Variants in CAMK1D observed in about 807,000 individuals in gnomAD.
CAMK1D encodes calcium/calmodulin-dependent protein kinase type 1D.
A neutral mutation model predicts 47.7 loss-of-function variants in CAMK1D; 9 were observed. The observed-to-expected ratio is 0.19, with a 90% CI of 0.11 to 0.33. CAMK1D has a LOEUF of 0.33. CAMK1D is among the 10% of genes least tolerant of loss of function. The pLI, the probability that CAMK1D is intolerant of heterozygous loss-of-function variation, is 1.00. For missense variants in CAMK1D, 291 were observed against 488.7 expected (o/e 0.60, Z 3.81); for synonymous variants, 184 against 184.9 (o/e 0.99, Z 0.04).
chr10:12,746,194 C>T (rs1364900437), intron 3 of CAMK1D, among the ~76,000 whole-genome samples: 1 of 151,828 alleles, frequency 6.6e-6, no homozygotes, highest in Non-Finnish European at 1.5e-5. Flanking sequence ...GAAACCCCGT[C>T]TCTACTAAAA....
At chr10:12,583,875 A>C (rs1319420312) in intron 2 of CAMK1D, among the ~76,000 whole-genome samples, 1 of 152,106 alleles carries the variant, frequency 6.6e-6, no homozygotes, top group Non-Finnish European at 1.5e-5. Context: ...CTGGGATTTC[A>C]GTGTGAACCA....
intron 8 of CAMK1D, among the ~76,000 whole-genome samples, chr10:12,819,832 G>A (rs981632876): frequency 1.2e-4 from 18 of 152,156 alleles, no homozygotes; most frequent in Admixed American, 3.9e-4. Flanking sequence ...AGTGGCCTGC[G>A]CGGGGCAGCG....
At chr10:12,723,649 A>T (rs1263885781) in intron 3 of CAMK1D, among the ~76,000 whole-genome samples, 1 of 152,210 alleles carries the variant, frequency 6.6e-6, no homozygotes. Context: ...ATGTAAATTG[A>T]AAGGCATTTT....
chr10:12,620,215 A>AAAAAAAAT (rs1838956842), intron 2 of CAMK1D, among the ~76,000 whole-genome samples: 4 of 134,406 alleles, frequency 3.0e-5, no homozygotes, highest in South Asian at 2.4e-4. Context: ...AAAAAAAAAA[A>AAAAAAAAT]AAATAAAGCT....
At chr10:12,521,762 C>T (rs895393794) in intron 1 of CAMK1D, among the ~76,000 whole-genome samples, 2 of 152,086 alleles carry the variant, frequency 1.3e-5, no homozygotes, top group Non-Finnish European at 2.9e-5. Context: ...TTTTGAAGCC[C>T]TGTTTTTAGA....
chr10:12,434,839 C>T (rs539039123), intron 1 of CAMK1D, among the ~76,000 whole-genome samples: 6 of 152,210 alleles, frequency 3.9e-5, no homozygotes, highest in South Asian at 2.1e-4. Flanking sequence ...GGGAATCATC[C>T]GTCTAGAAAA....
intron 3 of CAMK1D, among the ~76,000 whole-genome samples, chr10:12,707,584 GCA>G (rs1265029222): frequency 2.0e-5 from 3 of 152,224 alleles, no homozygotes; most frequent in African/African-American, 7.2e-5. Flanking sequence ...CGCAGAATGA[GCA>G]CAGTCAGAAA....
intron 6 of CAMK1D, among the ~76,000 whole-genome samples, chr10:12,796,802 T>C (rs1182294724): frequency 6.6e-6 from 1 of 152,192 alleles, no homozygotes; most frequent in African/African-American, 2.4e-5. Flanking sequence ...GGTCTGGATT[T>C]TGGCTTTAGA....
chr10:12,714,227 G>A (rs374097872), intron 3 of CAMK1D, among the ~76,000 whole-genome samples: 36 of 151,690 alleles, frequency 2.4e-4, no homozygotes, highest in Admixed American at 9.9e-4. Context: ...CCCCACCCCC[G>A]TAGGCATAGA....
intron 5 of CAMK1D, among the ~76,000 whole-genome samples, chr10:12,779,155 AG>A (rs142372332): frequency 0.014 from 2,140 of 152,300 alleles, 45 homozygotes; most frequent in African/African-American, 0.048. Flanking sequence ...GTGGCTCCTC[AG>A]GATACCATGG....
intron 1 of CAMK1D, among the ~76,000 whole-genome samples, chr10:12,525,307 A>G (rs1354588015): frequency 2.6e-5 from 4 of 152,052 alleles, no homozygotes; most frequent in Admixed American, 6.6e-5. Flanking sequence ...TCTTTCTTTC[A>G]ATATTTTTTT....
chr10:12,355,543 A>G (rs938417425), intron 1 of CAMK1D, among the ~76,000 whole-genome samples: 1 of 151,958 alleles, frequency 6.6e-6, no homozygotes, highest in African/African-American at 2.4e-5. Context: ...GGTGGTTTGT[A>G]TATTTGACTG....
At chr10:12,460,023 C>T (rs934414950) in intron 1 of CAMK1D, among the ~76,000 whole-genome samples, 2 of 151,992 alleles carry the variant, frequency 1.3e-5, no homozygotes, top group Admixed American at 6.6e-5. Context: ...ATGGAACCGG[C>T]GTATTCACAA....
chr10:12,634,368 C>T (rs1469137389), intron 2 of CAMK1D, among the ~76,000 whole-genome samples: 1 of 152,140 alleles, frequency 6.6e-6, no homozygotes, highest in Non-Finnish European at 1.5e-5. Flanking sequence ...CTCCCTCATC[C>T]TCCTACAGCA....
In CAMK1D at chr10:12,752,273, G is replaced by A. The variant is rs536096533; in HGVS notation, c.300-8675G>A. ...CAGCACCCAGAGTGCTGGGATTACA[G>A]GGGTGAGCCACCGCGCTGGCCAGAT... On this transcript the variant is annotated intron_variant, in intron 3 of 10. Coordinates refer to ENST00000619168, the MANE Select transcript of CAMK1D (RefSeq NM_153498.4). 1.8e-4 allele frequency among the ~76,000 whole-genome samples: 28 copies of A among 152,310 alleles called. No homozygotes were observed. In the South Asian group the frequency reaches 4.2e-3, roughly 23 times the overall value.
intron 3 of CAMK1D, among the ~76,000 whole-genome samples, chr10:12,706,998 C>T (rs552559926): frequency 4.6e-4 from 70 of 152,202 alleles, no homozygotes; most frequent in African/African-American, 1.5e-3. Context: ...ACAAACTGTG[C>T]GGTTTGGGAA....
chr10:12,801,342 TATCTATCTATCTTATC>T (rs1303482044), intron 6 of CAMK1D, among the ~76,000 whole-genome samples: 23 of 96,334 alleles, frequency 2.4e-4, no homozygotes, highest in Admixed American at 3.3e-4. Flanking sequence ...TCTATCTATC[TATCTATCTATCTTATC>T]TATCTATCTA....
At position 12,650,806 on chromosome 10, in the gene CAMK1D, C is replaced by CT. The variant is rs1839938940; in HGVS notation, c.225-15928dup. Among the ~76,000 whole-genome samples the CT allele has an allele frequency of 2.0e-5, 3 of 152,182 alleles. No homozygotes were observed. The East Asian group carries it at 5.8e-4, about 29-fold the overall frequency. On this transcript the variant is annotated intron_variant, in intron 2 of 10. Transcript: ENST00000619168. ...ATCAAAAACATCAGCTCTGCAGACACTTAGTCCACCAGCAGCATCATCCCT... is the reference window on the plus strand; with the variant it reads ...ATCAAAAACATCAGCTCTGCAGACACTTTAGTCCACCAGCAGCATCATCCCT...
chr10:12,735,396 T>C lies in CAMK1D; in HGVS notation c.300-25552T>C, dbSNP rs375631335. On this transcript the variant is annotated intron_variant, in intron 3 of 10. Coordinates refer to ENST00000619168, the MANE Select transcript of CAMK1D (RefSeq NM_153498.4). ...GGGAGGCTGAGGCAGGAGAATGGCGTGAACCCGGGAGGCGGAGCCTGCAGT... is the reference window on the plus strand; with the variant it reads ...GGGAGGCTGAGGCAGGAGAATGGCGCGAACCCGGGAGGCGGAGCCTGCAGT... Among the ~76,000 whole-genome samples the C allele has an allele frequency of 5.8e-3, 880 of 152,200 alleles. 10 individuals carry two copies. The highest frequency in any genetic ancestry group is 0.019 in the African/African-American group (796 of 41,532).
Sources: allele counts gnomAD v4.1 joint callset (sites outside exome capture counted in the v4.1 genomes callset), GRCh38; gene constraint gnomAD v4.1.1; transcripts MANE v1.5; gene names NCBI Gene and HGNC (gene_info 2026-07-23, HGNC 2026-07-21).